The following TWIST2 variants were observed in gnomAD, a reference collection of about 807,000 sequenced individuals.
The protein encoded by TWIST2 is twist-related protein 2.
A neutral mutation model predicts 11.6 loss-of-function variants in TWIST2; 1 was observed. That is an observed-to-expected ratio of 0.09 (90% CI 0.03 to 0.41). The LOEUF (loss-of-function observed/expected upper bound fraction) is 0.41. Among genes scored for constraint, TWIST2 ranks in the 10% least tolerant of loss-of-function variants. The pLI, the probability that TWIST2 is intolerant of heterozygous loss-of-function variation, is 0.98. For synonymous variants in TWIST2, 87 were observed against 96.6 expected (o/e 0.90, Z 0.58); for missense variants, 168 against 226.4 (o/e 0.74, Z 1.66).
intron 1 of TWIST2, among the ~76,000 whole-genome samples, chr2:238,855,303 C>T (rs1692311044): frequency 6.6e-6 from 1 of 151,594 alleles, no homozygotes; most frequent in Non-Finnish European, 1.5e-5. Flanking sequence ...AAGGCATACT[C>T]CTCTTTCTCA....
intron 1 of TWIST2, chr2:238,887,120 C>A (rs1693053089): frequency 6.6e-6 from 1 of 152,214 alleles, no homozygotes; most frequent in African/African-American, 2.4e-5. Context: ...AGCATGCACA[C>A]CAGCAACACT....
At chr2:238,865,682 T>G (rs1692517279) in intron 1 of TWIST2, among the ~76,000 whole-genome samples, 1 of 127,850 alleles carries the variant, frequency 7.8e-6, no homozygotes, top group Admixed American at 7.8e-5. Flanking sequence ...CCATCTGGTC[T>G]TTTGGAACTT....
intron 1 of TWIST2, among the ~76,000 whole-genome samples, chr2:238,849,044 C>G (rs1026827589): frequency 4.1e-5 from 6 of 145,210 alleles, no homozygotes; most frequent in Non-Finnish European, 9.2e-5. Flanking sequence ...TGTGGGTGTC[C>G]GTGGTTGGCG....
At chr2:238,908,022 A>G (rs1042198045) in intron 1 of TWIST2, among the ~76,000 whole-genome samples, 79 of 150,900 alleles carry the variant, frequency 5.2e-4, no homozygotes, top group African/African-American at 1.9e-3. Flanking sequence ...AACACATACC[A>G]CACAAACACA....
intron 1 of TWIST2, among the ~76,000 whole-genome samples, chr2:238,861,990 G>A (rs563459447): frequency 6.6e-6 from 1 of 152,188 alleles, no homozygotes; most frequent in Non-Finnish European, 1.5e-5. Context: ...GGATAAGGGG[G>A]CCTACTATAA....
intron 1 of TWIST2, among the ~76,000 whole-genome samples, chr2:238,890,990 A>T: frequency 6.6e-6 from 1 of 152,166 alleles, no homozygotes; most frequent in Non-Finnish European, 1.5e-5. Context: ...GGCTGATAAG[A>T]ATCCGTGCAC....
intron 1 of TWIST2, among the ~76,000 whole-genome samples, chr2:238,871,013 A>C (rs1158678705): frequency 8.5e-4 from 1 of 1,170 alleles, no homozygotes; most frequent in Non-Finnish European, 1.6e-3. Flanking sequence ...GACACACACC[A>C]CACACACAGC....
intron 1 of TWIST2, among the ~76,000 whole-genome samples, chr2:238,895,845 G>A (rs1693200194): frequency 1.3e-5 from 2 of 152,136 alleles, no homozygotes; most frequent in African/African-American, 4.8e-5. Flanking sequence ...GAAGGAGCCG[G>A]CCTGGTCCGC....
intron 1 of TWIST2, among the ~76,000 whole-genome samples, chr2:238,849,680 C>T (rs918466960): frequency 6.6e-6 from 1 of 152,232 alleles, no homozygotes; most frequent in Non-Finnish European, 1.5e-5. Context: ...GGGGACACAG[C>T]TGCCAGGAGC....
intron 1 of TWIST2, among the ~76,000 whole-genome samples, chr2:238,874,020 G>C (rs1438570525): frequency 1.3e-5 from 2 of 152,296 alleles, no homozygotes; most frequent in East Asian, 3.9e-4. Flanking sequence ...CTGAGATGGG[G>C]TTCATGCGTT....
intron 1 of TWIST2, among the ~76,000 whole-genome samples, chr2:238,854,997 G>T (rs1692305431): frequency 1.3e-5 from 2 of 152,206 alleles, no homozygotes; most frequent in African/African-American, 4.8e-5. Context: ...AGAGGGCTCG[G>T]AGTGGCAAGC....
At chr2:238,908,142 A>G (rs1693387128) in intron 1 of TWIST2, among the ~76,000 whole-genome samples, 1 of 150,876 alleles carries the variant, frequency 6.6e-6, no homozygotes, top group Non-Finnish European at 1.5e-5. Flanking sequence ...ACCATACCAT[A>G]CACACTACCC....
intron 1 of TWIST2, among the ~76,000 whole-genome samples, chr2:238,907,061 C>A (rs952878735): frequency 6.6e-6 from 1 of 152,228 alleles, no homozygotes; most frequent in African/African-American, 2.4e-5. Flanking sequence ...CAGTCTTCAG[C>A]GATCCCTGCT....
At chr2:238,872,905 GT>G (rs1692733425) in intron 1 of TWIST2, among the ~76,000 whole-genome samples, 3 of 152,218 alleles carry the variant, frequency 2.0e-5, no homozygotes, top group Admixed American at 2.0e-4. Flanking sequence ...CATTTACTGA[GT>G]CCTGGCTGTT....
rs1476812291 is a variant in TWIST2 at position 238,863,263 on chromosome 2, C to T, written c.*35+14530C>T. On this transcript the variant is annotated intron_variant, in intron 1 of 1. Transcript: ENST00000612363. The surrounding 1 kb of genome is among the most constrained non-coding windows in gnomAD (Gnocchi z 4.7). ...ATAGGAATGCCCTCACCGCAACCCC[C>T]ACTCGGTGTTAGGACTTAGGTACTT... Among the ~76,000 whole-genome samples, 1 of 152,166 alleles carries T rather than the reference C, an allele frequency of 6.6e-6. No homozygotes were observed. The highest frequency in any genetic ancestry group is 6.5e-5 in the Admixed American group (1 of 15,270).
At chr2:238,896,567 C>G (rs951396246) in intron 1 of TWIST2, among the ~76,000 whole-genome samples, 18 of 152,312 alleles carry the variant, frequency 1.2e-4, no homozygotes, top group Admixed American at 6.5e-4. Context: ...AGCCACATGT[C>G]TCAAAAATTC....
intron 1 of TWIST2, among the ~76,000 whole-genome samples, chr2:238,907,846 C>CG (rs1373202958): frequency 6.7e-6 from 1 of 148,608 alleles, no homozygotes; most frequent in African/African-American, 2.5e-5. Context: ...ACACACACCC[C>CG]CACACTGTAC....
intron 1 of TWIST2, among the ~76,000 whole-genome samples, chr2:238,885,206 A>G (rs952776495): frequency 1.3e-4 from 19 of 151,988 alleles, no homozygotes; most frequent in Non-Finnish European, 1.9e-4. Flanking sequence ...TGGAACCCTG[A>G]TTCCCGCCCT....
chr2:238,872,331 G>T lies in TWIST2; in HGVS notation c.*35+23598G>T, dbSNP rs529676467. Among the ~76,000 whole-genome samples the T allele has an allele frequency of 3.3e-5, 5 of 152,310 alleles. No individual in the cohort carries two copies. The South Asian group carries it at 1.0e-3, about 32-fold the overall frequency. ...CAGGATGAGGGCCATGCCAGTGTAG[G>T]GGGATTGCAAGGCCAGAGGAGTGGT... On this transcript the variant is annotated intron_variant, in intron 1 of 1. Transcript: ENST00000612363.
Sources: gnomAD v4.1 joint callset for allele counts (sites outside exome capture counted in the v4.1 genomes callset) on GRCh38, gnomAD v4.1.1 for gene constraint, Gnocchi (gnomAD v3.1) non-coding constraint, MANE v1.5 for transcripts, NCBI Gene and HGNC (gene_info 2026-07-23, HGNC 2026-07-21) for gene names.